The following SPA17 variants were observed in gnomAD, a reference collection of about 807,000 sequenced individuals.
SPA17 encodes the protein sperm surface protein Sp17.
A neutral mutation model predicts 13.8 loss-of-function variants in SPA17; 7 were observed. The observed-to-expected ratio is 0.51, with a 90% confidence interval of 0.29 to 0.95. SPA17 has a LOEUF of 0.95. Ranked by LOEUF, SPA17 falls within the 40% of genes least tolerant of loss-of-function variation. The pLI is 0.08. For synonymous variants in SPA17, 61 were observed against 59.0 expected (o/e 1.03, Z -0.16); for missense variants, 170 against 179.3 (o/e 0.95, Z 0.30).
intron 2 of SPA17, among the ~76,000 whole-genome samples, chr11:124,681,151 C>T (rs752161221): frequency 1.2e-4 from 18 of 152,040 alleles, no homozygotes; most frequent in East Asian, 5.8e-4. Flanking sequence ...GCAGAAATTA[C>T]GTTTTTAGTG....
Position 124,694,335 on chromosome 11 carries a change from G to A in SPA17, c.345G>A (p.Glu115=). The change falls in exon 5 of 5, where the codon GAG becomes GAA. Residue 115 remains glutamate, a synonymous_variant. Transcript: ENST00000227135. ...DSSEEDKEKE[E]VAAVKIQAAF... ...CTGAGGAAGATAAGGAAAAAGAAGA[G>A]GTTGCTGCTGTCAAAATCCAAGCTG... The A allele has an allele frequency of 6.2e-7, 1 of 1,614,014 alleles. No homozygotes were observed. Among genetic ancestry groups the A allele is most frequent in the Non-Finnish European group, 8.5e-7 (1 of 1,179,988 alleles).
chr11:124,681,630 T>G (rs1450970787), intron 3 of SPA17, among the ~76,000 whole-genome samples, 171 bp downstream of exon 3: 1 of 151,626 alleles, frequency 6.6e-6, no homozygotes, highest in Admixed American at 6.6e-5. Flanking sequence ...AAAAGATTAT[T>G]TATTAAAAAG....
At chr11:124,692,082 G>T (rs2134419345) in intron 4 of SPA17, among the ~76,000 whole-genome samples, 1 of 152,286 alleles carries the variant, frequency 6.6e-6, no homozygotes, top group South Asian at 2.1e-4. Flanking sequence ...TGATCCTTCA[G>T]ATTCATCTTC....
chr11:124,681,390 A>G lies in SPA17; in HGVS notation c.156A>G (p.Lys52=). The change falls in exon 3 of 5, where the codon AAA becomes AAG. Residue 52 remains lysine, a splice_region_variant and synonymous_variant. Coordinates refer to ENST00000227135, the MANE Select transcript of SPA17 (RefSeq NM_017425.4). ...AGTTCTTATATTTTTATTATTTAGA[A>G]ACCAACTTTGATCCAGCAGAATGGG... ...YFESLLEKRE[K]TNFDPAEWGS... is the part of the protein sequence containing the mutation. 1 of 1,573,828 alleles carries G rather than the reference A, an allele frequency of 6.4e-7. No individual in the cohort carries two copies. The highest frequency in any genetic ancestry group is 1.2e-5 in the South Asian group (1 of 85,024).
intron 3 of SPA17, among the ~76,000 whole-genome samples, chr11:124,690,713 G>A (rs1310777367): frequency 6.6e-6 from 1 of 152,138 alleles, no homozygotes; most frequent in Non-Finnish European, 1.5e-5. Flanking sequence ...TAATTCGTAG[G>A]TACATTAAAA....
At position 124,681,380 on chromosome 11, in the gene SPA17, A is replaced by G; in HGVS notation, c.155-9A>G. 6.4e-7 allele frequency: 1 copy of G among 1,567,840 alleles called. No individual in the cohort carries two copies. The highest frequency in any genetic ancestry group is 1.2e-5 in the South Asian group (1 of 84,574). ...ATAAATCTGAAGTTCTTATATTTTTATTATTTAGAAACCAACTTTGATCCA... is the reference window on the plus strand; with the variant it reads ...ATAAATCTGAAGTTCTTATATTTTTGTTATTTAGAAACCAACTTTGATCCA... On this transcript the variant is annotated splice_polypyrimidine_tract_variant and intron_variant, in intron 2 of 4. Transcript: ENST00000227135.
At chr11:124,693,380 C>T (rs888564457) in intron 4 of SPA17, among the ~76,000 whole-genome samples, 6 of 151,908 alleles carry the variant, frequency 3.9e-5, no homozygotes, top group Non-Finnish European at 5.9e-5. Context: ...GAGAGTTATA[C>T]ACTGACTAAT....
chr11:124,690,849 G>A (rs1943617487), intron 3 of SPA17, among the ~76,000 whole-genome samples: 1 of 152,124 alleles, frequency 6.6e-6, no homozygotes, highest in African/African-American at 2.4e-5. Flanking sequence ...CTTGAAGAAG[G>A]AGCTGTCACT....
At position 124,694,394 on chromosome 11, in the gene SPA17, A is replaced by G; in HGVS notation, c.404A>G (p.Lys135Arg). The G allele has an allele frequency of 6.2e-7, 1 of 1,614,084 alleles. No individual in the cohort carries two copies. Among genetic ancestry groups the G allele is most frequent in the Non-Finnish European group, 8.5e-7 (1 of 1,180,000 alleles). Reference sequence around the variant, plus strand: ...GGACACATAGCCAGAGAGGAGGCAAAGAAAATGAAAACAAATAGTCTTCAA... The same window carrying G: ...GGACACATAGCCAGAGAGGAGGCAAGGAAAATGAAAACAAATAGTCTTCAA... ...FRGHIAREEA[K>R]KMKTNSLQNE... is the part of the protein sequence containing the mutation. Residue 135 changes from lysine (K) to arginine (R), a missense_variant, in exon 5 of 5, where the codon AAG becomes AGG. Transcript: ENST00000227135.
intron 2 of SPA17, 110 bp downstream of exon 2, chr11:124,675,528 G>A: frequency 8.4e-7 from 1 of 1,191,628 alleles, no homozygotes; most frequent in Non-Finnish European, 1.2e-6. Context: ...TATGAGGCAG[G>A]GAGTTTCAGA....
At chr11:124,690,342 T>A (rs78034579) in intron 3 of SPA17, among the ~76,000 whole-genome samples, 8,748 of 152,256 alleles carry the variant, frequency 0.057, 592 homozygotes, top group African/African-American at 0.16. Flanking sequence ...GGCCATTATC[T>A]TAAGTGAAAC....
chr11:124,676,984 C>A (rs1378344210), intron 2 of SPA17, among the ~76,000 whole-genome samples: 1 of 152,158 alleles, frequency 6.6e-6, no homozygotes, highest in Non-Finnish European at 1.5e-5. Flanking sequence ...ACTACAAATT[C>A]TTGCAGTAAA....
chr11:124,692,809 G>A (rs757176325), intron 4 of SPA17, among the ~76,000 whole-genome samples: 7 of 152,104 alleles, frequency 4.6e-5, no homozygotes, highest in Non-Finnish European at 7.4e-5. Context: ...TCATAAGAAA[G>A]AAGAACTCAC....
intron 4 of SPA17, 87 bp downstream of exon 4, chr11:124,691,869 T>C: frequency 1.4e-6 from 1 of 736,284 alleles, no homozygotes; most frequent in Non-Finnish European, 2.1e-6. Context: ...TGAATGTCTG[T>C]TATCTTTATT....
At chr11:124,681,362 T>G in intron 2 of SPA17, 27 bp from the exon 3 acceptor site, 1 of 1,532,360 alleles carries the variant, frequency 6.5e-7, no homozygotes, top group Non-Finnish European at 8.9e-7. Context: ...CAAATAAATC[T>G]GAAGTTCTTA....
Position 124,681,407 on chromosome 11 carries a change from C to T in SPA17, c.173C>T (p.Ala58Val). The T allele has an allele frequency of 6.4e-7, 1 of 1,573,766 alleles. No individual in the cohort carries two copies. Among genetic ancestry groups the T allele is most frequent in the South Asian group, 1.2e-5 (1 of 85,170 alleles). The part of the protein sequence containing the change: ...EKREKTNFDP[A>V]EWGSKVEDRF... ...TATTTAGAAACCAACTTTGATCCAGCAGAATGGGGGAGTAAGGTAGAAGAC... is the reference window on the plus strand; with the variant it reads ...TATTTAGAAACCAACTTTGATCCAGTAGAATGGGGGAGTAAGGTAGAAGAC... Residue 58 changes from alanine to valine, a missense_variant, in exon 3 of 5, where the codon GCA (alanine) becomes GTA (valine). Physicochemically the swap from Ala to Val is moderately conservative, Grantham distance 64 (BLOSUM62 0). Coordinates refer to ENST00000227135, the MANE Select transcript of SPA17 (RefSeq NM_017425.4).
chr11:124,685,255 C>G (rs1391573374), intron 3 of SPA17, among the ~76,000 whole-genome samples: 2 of 152,356 alleles, frequency 1.3e-5, no homozygotes, highest in Admixed American at 6.5e-5. Context: ...AGCTCCAGCT[C>G]TGGTTAAAAG....
chr11:124,679,428 G>T (rs1943504652), intron 2 of SPA17, among the ~76,000 whole-genome samples: 1 of 152,036 alleles, frequency 6.6e-6, no homozygotes, highest in South Asian at 2.1e-4. Flanking sequence ...AAGCAACTAA[G>T]CTAGTGTTAT....
rs679810 is a variant in SPA17 at position 124,696,828 on chromosome 11, A to G, written c.*2382A>G. The G allele has an allele frequency of 0.3, 46,156 of 152,072 alleles. 7,186 individuals are homozygous for G. The highest frequency in any genetic ancestry group is 0.5 in the East Asian group (2,558 of 5,162). 9.4% of individuals were successfully genotyped at this position (152,072 alleles called of 1,614,324 possible). On this transcript the variant is annotated 3_prime_UTR_variant, in exon 5 of 5. Transcript: ENST00000227135. Reference sequence around the variant, plus strand: ...CTCTGCCTGCGAACTTCTATATTCAACTGCCTACATAACATCCCCATTTGG... The same window carrying G: ...CTCTGCCTGCGAACTTCTATATTCAGCTGCCTACATAACATCCCCATTTGG...
Sources: allele counts gnomAD v4.1 joint callset (sites outside exome capture counted in the v4.1 genomes callset), GRCh38; gene constraint gnomAD v4.1.1; transcripts MANE v1.5; gene names NCBI Gene and HGNC (gene_info 2026-07-23, HGNC 2026-07-21).